KANSL1L: variants seen among roughly 807,000 people sequenced by gnomAD.
The protein encoded by KANSL1L is KAT8 regulatory NSL complex subunit 1 like.
A neutral mutation model predicts 108.6 loss-of-function variants in KANSL1L; 25 were observed. The ratio of observed to expected loss-of-function variants is 0.23; its 90% CI spans 0.17 to 0.32. The LOEUF (loss-of-function observed/expected upper bound fraction) is 0.32. Ranked by LOEUF, KANSL1L falls within the 10% of genes least tolerant of loss-of-function variation. The probability of loss-of-function intolerance (pLI) is 1.00; values close to 1 mark genes in which losing one functional copy is unlikely to be tolerated. For missense variants in KANSL1L, 1,137 were observed against 1,125.7 expected (o/e 1.01, Z -0.14); for synonymous variants, 405 against 395.1 (o/e 1.03, Z -0.30).
At chr2:210,132,823 T>C (rs2095134237) in intron 2 of KANSL1L, among the ~76,000 whole-genome samples, 2 of 152,202 alleles carry the variant, frequency 1.3e-5, no homozygotes, top group Admixed American at 1.3e-4. Flanking sequence ...GCTACCCTCA[T>C]AAAACGAGAA....
At chr2:210,171,521 C>G (rs183475642), upstream of KANSL1L, 2 of 153,424 alleles carry the variant, frequency 1.3e-5, no homozygotes, top group Non-Finnish European at 2.9e-5. Flanking sequence ...CCTGCAGAAG[C>G]GGCTCGGAGT....
At chr2:210,116,310 C>T (rs1440138627) in intron 3 of KANSL1L, among the ~76,000 whole-genome samples, 1 of 152,118 alleles carries the variant, frequency 6.6e-6, no homozygotes, top group Non-Finnish European at 1.5e-5. Context: ...CTAGACCCAC[C>T]CGGGGCTGGG....
intron 10 of KANSL1L, among the ~76,000 whole-genome samples, chr2:210,029,583 CAT>C (rs2093986226): frequency 2.0e-5 from 3 of 151,972 alleles, no homozygotes; most frequent in African/African-American, 4.8e-5. Flanking sequence ...ATTTTTAACA[CAT>C]AAAAAGAAGC....
rs1180992062 is a variant in KANSL1L at position 210,153,756 on chromosome 2, TGAAA to T, written c.823_826del (p.Phe275MetfsTer24). ...ATTACCCAAAATTGTGGTAGGTTCA[TGAAA>T]TGTCTTCATTTTGGGGAGTTGATGT... On this transcript the variant is annotated frameshift_variant, in exon 2 of 15. Coordinates refer to ENST00000281772, the MANE Select transcript of KANSL1L (RefSeq NM_152519.4). LOFTEE classifies it high-confidence loss of function. The T allele has an allele frequency of 1.2e-6, 2 of 1,611,344 alleles. No individual in the cohort carries two copies. The highest frequency in any genetic ancestry group is 1.7e-6 in the Non-Finnish European group (2 of 1,179,096).
At chr2:210,024,965 A>G (rs1352681745) in intron 13 of KANSL1L, 139 bp downstream of exon 13, 1 of 615,264 alleles carries the variant, frequency 1.6e-6, no homozygotes, top group African/African-American at 1.8e-5. Flanking sequence ...CATTCTATGT[A>G]GTATTTTACT....
intron 6 of KANSL1L, among the ~76,000 whole-genome samples, chr2:210,073,267 G>A (rs1311612539): frequency 3.9e-5 from 6 of 152,066 alleles, no homozygotes; most frequent in Admixed American, 3.3e-4. Context: ...AGTAGGAAAT[G>A]GTATTAGAAA....
intron 8 of KANSL1L, among the ~76,000 whole-genome samples, chr2:210,037,124 G>A (rs1239260375): frequency 6.6e-6 from 1 of 151,778 alleles, no homozygotes; most frequent in East Asian, 1.9e-4. Flanking sequence ...ATCTCTAATA[G>A]CATATATTTT....
At chr2:210,143,188 T>A (rs981964921) in intron 2 of KANSL1L, among the ~76,000 whole-genome samples, 2 of 152,138 alleles carry the variant, frequency 1.3e-5, no homozygotes, top group Non-Finnish European at 2.9e-5. Flanking sequence ...ATCAATTATA[T>A]ACTTACCTTT....
chr2:210,141,707 G>T (rs2095230585), intron 2 of KANSL1L, among the ~76,000 whole-genome samples: 1 of 152,178 alleles, frequency 6.6e-6, no homozygotes, highest in African/African-American at 2.4e-5. Flanking sequence ...TTAACTGTGA[G>T]CTTATCATAT....
chr2:210,022,906 C>T lies in KANSL1L; in HGVS notation c.*43G>A, dbSNP rs374275064. ...ATCCAGAACAGGGCTTTATTTCCTC[C>T]CATCTTTCCTACATTTACATAGTTT... On this transcript the variant is annotated 3_prime_UTR_variant, in exon 15 of 15. Transcript: ENST00000281772. 24 of 1,364,204 alleles carry T rather than the reference C, an allele frequency of 1.8e-5. No individual in the cohort carries two copies. The highest frequency in any genetic ancestry group is 2.5e-5 in the Non-Finnish European group (24 of 957,202). The allele number at this position is 1,364,204 out of a possible 1,614,324, so 84.5% of individuals were successfully genotyped here.
chr2:210,111,455 G>C (rs1318414892), intron 3 of KANSL1L, among the ~76,000 whole-genome samples: 5 of 152,160 alleles, frequency 3.3e-5, no homozygotes, highest in Admixed American at 1.3e-4. Flanking sequence ...ATAGAAAACA[G>C]ATTAGTGGTT....
At chr2:210,142,994 CTTTTGA>C (rs139831777) in intron 2 of KANSL1L, among the ~76,000 whole-genome samples, 1,909 of 152,106 alleles carry the variant, frequency 0.013, 41 homozygotes, top group African/African-American at 0.043. Flanking sequence ...CCAATGCTTC[CTTTTGA>C]TTTTGTCTGG....
At chr2:210,150,690 G>A (rs1274645740) in intron 2 of KANSL1L, among the ~76,000 whole-genome samples, 1 of 151,654 alleles carries the variant, frequency 6.6e-6, no homozygotes, top group Non-Finnish European at 1.5e-5. Context: ...GCTGAAGCAG[G>A]AGAATCGCTT....
At chr2:210,114,349 CCTATT>C (rs1306752080) in intron 3 of KANSL1L, among the ~76,000 whole-genome samples, 1 of 152,054 alleles carries the variant, frequency 6.6e-6, no homozygotes, top group Admixed American at 6.6e-5. Context: ...AACCCAAAAT[CCTATT>C]CTATTCGGGA....
In KANSL1L at chr2:210,066,457, G is replaced by A. The variant is rs1412312839; in HGVS notation, c.1755+9095C>T. Among the ~76,000 whole-genome samples the A allele has an allele frequency of 6.6e-5, 10 of 152,224 alleles. 1 individual carries two copies. Among genetic ancestry groups the A allele is most frequent in the Admixed American group, 5.2e-4 (8 of 15,282 alleles). On this transcript the variant is annotated intron_variant, in intron 6 of 14. Transcript: ENST00000281772. The stretch of plus-strand genomic sequence containing the variant: ...GGCTACTCTGAATGTGCAGCATGGG[G>A]CACATGCCCACTTCTATGGCAAAGA...
At chr2:210,126,476 T>C (rs1446554447) in intron 3 of KANSL1L, among the ~76,000 whole-genome samples, 3 of 152,092 alleles carry the variant, frequency 2.0e-5, no homozygotes, top group African/African-American at 4.8e-5. Flanking sequence ...CTAAAGGTCA[T>C]ACAAAATCTC....
chr2:210,068,370 C>T (rs2125303767), intron 6 of KANSL1L, among the ~76,000 whole-genome samples: 1 of 151,946 alleles, frequency 6.6e-6, no homozygotes, highest in African/African-American at 2.4e-5. Context: ...TATACACACC[C>T]ACACACACAG....
intron 1 of KANSL1L, among the ~76,000 whole-genome samples, chr2:210,163,700 A>C (rs1291848121): frequency 6.6e-6 from 1 of 152,160 alleles, no homozygotes; most frequent in Non-Finnish European, 1.5e-5. Flanking sequence ...ATGAAGAAAT[A>C]TATAAAATTA....
chr2:210,058,738 G>A (rs1231488938), intron 6 of KANSL1L, among the ~76,000 whole-genome samples: 1 of 151,582 alleles, frequency 6.6e-6, no homozygotes, highest in Non-Finnish European at 1.5e-5. Context: ...TCGGGAGGTT[G>A]AGGCAGGAGA....
Sources: allele counts gnomAD v4.1 joint callset (sites outside exome capture counted in the v4.1 genomes callset), GRCh38; gene constraint gnomAD v4.1.1; transcripts MANE v1.5; gene names NCBI Gene and HGNC (gene_info 2026-07-23, HGNC 2026-07-21).